RAP1GAP2: variants seen among roughly 807,000 people sequenced by gnomAD.
The protein encoded by RAP1GAP2 is RAP1 GTPase activating protein 2.
RAP1GAP2 carries 27 observed loss-of-function variants against 95.0 expected under a neutral mutation model. The observed-to-expected ratio is 0.28, with a 90% CI of 0.21 to 0.39. The LOEUF (loss-of-function observed/expected upper bound fraction) is 0.39. Among genes scored for constraint, RAP1GAP2 ranks in the 10% least tolerant of loss-of-function variants. The pLI is 1.00. For synonymous variants in RAP1GAP2, 373 were observed against 380.9 expected (o/e 0.98, Z 0.24); for missense variants, 771 against 970.0 (o/e 0.79, Z 2.72).
chr17:2,766,116 A>G (rs1261392870), intron 1 of RAP1GAP2, among the ~76,000 whole-genome samples: 1 of 152,200 alleles, frequency 6.6e-6, no homozygotes, highest in African/African-American at 2.4e-5. Flanking sequence ...TTGGGCGGCC[A>G]TGGGGGCGGT....
At chr17:2,945,400 GT>G (rs1452982124) in intron 3 of RAP1GAP2, among the ~76,000 whole-genome samples, 1 of 152,092 alleles carries the variant, frequency 6.6e-6, no homozygotes, top group African/African-American at 2.4e-5. Context: ...AATCTGTGAG[GT>G]TTTTTTGTGT....
At chr17:2,885,577 G>T (rs1231417390) in intron 2 of RAP1GAP2, among the ~76,000 whole-genome samples, 1 of 152,216 alleles carries the variant, frequency 6.6e-6, no homozygotes. Flanking sequence ...AGCAGGAAGA[G>T]CCTCTGTGTT....
intron 1 of RAP1GAP2, among the ~76,000 whole-genome samples, chr17:2,780,875 T>C (rs28711330): frequency 0.27 from 40,764 of 152,222 alleles, 5,943 homozygotes; most frequent in African/African-American, 0.36. Flanking sequence ...CTCAGTGCTT[T>C]GGTGCCTGTC....
At chr17:2,759,686 G>A (rs2071208903) in intron 1 of RAP1GAP2, among the ~76,000 whole-genome samples, 1 of 151,966 alleles carries the variant, frequency 6.6e-6, no homozygotes, top group Non-Finnish European at 1.5e-5. Flanking sequence ...CCTGACCTCA[G>A]GTGATCTGCC....
rs531204201 is a variant in RAP1GAP2, at chr17:2,870,264, C to T, written c.81-35020C>T. Among the ~76,000 whole-genome samples, 90 of 151,870 alleles carry T rather than the reference C, an allele frequency of 5.9e-4. 1 individual carries two copies. The highest frequency in any genetic ancestry group is 1.9e-3 in the African/African-American group (80 of 41,416). On this transcript the variant is annotated intron_variant, in intron 2 of 24. Transcript: ENST00000254695. This position sits in a 1 kb window ranked among gnomAD's most constrained non-coding sequence, Gnocchi z 4.4. ...CCCGAGTAGCTGGGATTACAGGCGC[C>T]CACCACCACACCTGGCTAATTTTTT... is the stretch of plus-strand genomic sequence containing the variant.
chr17:2,771,415 G>A lies in RAP1GAP2; in HGVS notation c.167+970G>A, dbSNP rs549066229. Among the ~76,000 whole-genome samples the A allele has an allele frequency of 1.7e-4, 25 of 151,418 alleles. No individual in the cohort carries two copies. The South Asian group carries it at 5.0e-3, about 30-fold the overall frequency. ...CTGGCAACCCTTCTGCAGCCACAGC[G>A]CTTCCCAAGGCCTCTGCCACACCCG... On this transcript the variant is annotated intron_variant, in intron 2 of 25. Coordinates refer to the RAP1GAP2 transcript ENST00000637138.
chr17:3,018,273 C>T, intron 18 of RAP1GAP2, 75 bp downstream of exon 18: 1 of 1,488,222 alleles, frequency 6.7e-7, no homozygotes, highest in Non-Finnish European at 8.9e-7. Context: ...GGAAGAGTGC[C>T]CCCACCCAGG....
intron 2 of RAP1GAP2, among the ~76,000 whole-genome samples, chr17:2,859,394 A>G (rs1285627726): frequency 6.6e-6 from 1 of 151,908 alleles, no homozygotes; most frequent in African/African-American, 2.4e-5. Flanking sequence ...TATAGGATAC[A>G]TGAGCCACCC....
intron 1 of RAP1GAP2, among the ~76,000 whole-genome samples, chr17:2,789,471 T>C (rs542545094): frequency 6.6e-5 from 10 of 152,214 alleles, no homozygotes; most frequent in African/African-American, 1.9e-4. Context: ...AAAACTCTCT[T>C]GGCAGATGGA....
At chr17:2,982,341 T>A (rs1449308932) in intron 10 of RAP1GAP2, among the ~76,000 whole-genome samples, 8 of 152,214 alleles carry the variant, frequency 5.3e-5, no homozygotes, top group African/African-American at 9.6e-5. Flanking sequence ...CGTTTCACCA[T>A]GTTGGCCAGG....
intron 17 of RAP1GAP2, among the ~76,000 whole-genome samples, chr17:3,017,101 C>G (rs574864541): frequency 6.6e-5 from 10 of 152,220 alleles, no homozygotes; most frequent in Admixed American, 6.5e-4. Flanking sequence ...TCAGGAAATC[C>G]CCCCCTGAGG....
Position 3,005,902 on chromosome 17 carries a change from C to T in RAP1GAP2, c.1273-53C>T. On this transcript the variant is annotated intron_variant, in intron 15 of 24. Coordinates refer to ENST00000254695, the MANE Select transcript of RAP1GAP2 (RefSeq NM_015085.5). This position sits in a 1 kb window ranked among gnomAD's most constrained non-coding sequence, Gnocchi z 5.2. Reference sequence around the variant, plus strand: ...CCTGCCTGTCACTGTGGCTGAAGACCTTCTGGCAACAGCCGAGAGTGACAG... The same window carrying T: ...CCTGCCTGTCACTGTGGCTGAAGACTTTCTGGCAACAGCCGAGAGTGACAG... 6.5e-7 allele frequency: 1 copy of T among 1,544,006 alleles called. No individual in the cohort carries two copies. Among genetic ancestry groups the T allele is most frequent in the East Asian group, 2.2e-5 (1 of 44,486 alleles).
intron 8 of RAP1GAP2, among the ~76,000 whole-genome samples, chr17:2,975,046 T>C (rs1304177530): frequency 1.3e-5 from 2 of 152,166 alleles, no homozygotes; most frequent in Non-Finnish European, 2.9e-5. Context: ...CTGGCCAACA[T>C]GGCGAAACCC....
intron 2 of RAP1GAP2, among the ~76,000 whole-genome samples, chr17:2,893,116 C>T (rs527760509): frequency 1.9e-4 from 29 of 152,170 alleles, no homozygotes; most frequent in African/African-American, 6.0e-4. Context: ...CAACCTCTGC[C>T]TCCCGGGTTC....
At chr17:2,859,357 T>C (rs1251661691) in intron 2 of RAP1GAP2, among the ~76,000 whole-genome samples, 4 of 151,448 alleles carry the variant, frequency 2.6e-5, no homozygotes, top group Non-Finnish European at 3.0e-5. Context: ...GTGATCCACC[T>C]ACCTTGGCCT....
Position 2,892,165 on chromosome 17 carries a change from C to T in RAP1GAP2, c.81-13119C>T, listed in dbSNP as rs888936665. ...TGTATATGGTATGTATTTATATTTT[C>T]TCTCTGGTGTCACTGAGAATTTTTC... On this transcript the variant is annotated intron_variant, in intron 2 of 24. Coordinates refer to ENST00000254695, the MANE Select transcript of RAP1GAP2 (RefSeq NM_015085.5). Among the ~76,000 whole-genome samples the T allele has an allele frequency of 3.3e-5, 5 of 152,096 alleles. No homozygotes were observed. The South Asian group carries it at 1.0e-3, about 31-fold the overall frequency.
At chr17:2,927,078 CTCTTG>C (rs201731597) in intron 3 of RAP1GAP2, among the ~76,000 whole-genome samples, 1,630 of 151,692 alleles carry the variant, frequency 0.011, 20 homozygotes, top group East Asian at 0.039. Context: ...ACAATCTATC[CTCTTG>C]TCTTGTCAGC....
chr17:3,006,910 G>A (rs965972135), intron 16 of RAP1GAP2, among the ~76,000 whole-genome samples: 2 of 152,166 alleles, frequency 1.3e-5, no homozygotes, highest in African/African-American at 4.8e-5. Flanking sequence ...AGGCTGGGAT[G>A]GAGGTCAGCA....
intron 19 of RAP1GAP2, 106 bp from the exon 20 acceptor site, chr17:3,025,902 C>T (rs1458668895): frequency 9.8e-6 from 8 of 812,294 alleles, no homozygotes; most frequent in South Asian, 6.6e-5. Flanking sequence ...GGCGCTCTGA[C>T]CCCACTGCCC....
Sources: allele counts gnomAD v4.1 joint callset (sites outside exome capture counted in the v4.1 genomes callset), GRCh38; gene constraint gnomAD v4.1.1; non-coding constraint Gnocchi (gnomAD v3.1); transcripts MANE v1.5; gene names NCBI Gene and HGNC (gene_info 2026-07-23, HGNC 2026-07-21).